PTPRD: variants seen among roughly 807,000 people sequenced by gnomAD.
PTPRD encodes the protein protein tyrosine phosphatase receptor type D, also known as receptor-type tyrosine-protein phosphatase delta.
A neutral mutation model predicts 214.5 loss-of-function variants in PTPRD; 34 were observed. The observed-to-expected ratio is 0.16, with a 90% confidence interval of 0.12 to 0.21. The LOEUF is 0.21. Among genes scored for constraint, PTPRD ranks in the 10% least tolerant of loss-of-function variants. The pLI is 1.00. For missense variants in PTPRD, 2,545 were observed against 2,398.7 expected (o/e 1.06, Z -1.27); for synonymous variants, 1,128 against 845.7 (o/e 1.33, Z -5.79).
intron 10 of PTPRD, among the ~76,000 whole-genome samples, chr9:9,169,460 T>C (rs900913344): frequency 1.3e-5 from 2 of 152,148 alleles, no homozygotes; most frequent in Admixed American, 6.6e-5. Context: ...CAGTTTGCAA[T>C]GCTAAAGTTA....
chr9:8,926,618 T>C (rs1011489430), intron 11 of PTPRD, among the ~76,000 whole-genome samples: 5 of 152,190 alleles, frequency 3.3e-5, no homozygotes, highest in African/African-American at 7.2e-5. Flanking sequence ...ATGTTCTCCA[T>C]GGAAAATTCC....
chr9:10,355,522 A>G (rs962812429), intron 2 of PTPRD, among the ~76,000 whole-genome samples: 5 of 142,084 alleles, frequency 3.5e-5, no homozygotes, highest in African/African-American at 1.3e-4. Flanking sequence ...CTTATTGCCT[A>G]GACTGGAGTG....
Position 10,521,933 on chromosome 9 carries a change from T to C in PTPRD, c.-600+90465A>G, listed in dbSNP as rs1372472858. On this transcript the variant is annotated intron_variant, in intron 2 of 45. Transcript: ENST00000381196. ...GTGCTTTTTTGCAATATTTGCTTTA[T>C]TGCAGTGGTCTAGAACCTGCACTCT... Among the ~76,000 whole-genome samples, 3 of 152,298 alleles carry C rather than the reference T, an allele frequency of 2.0e-5. No homozygotes were observed. The East Asian group carries it at 5.8e-4, about 29-fold the overall frequency.
intron 2 of PTPRD, among the ~76,000 whole-genome samples, chr9:10,545,528 G>C (rs75625856): frequency 0.03 from 4,608 of 152,162 alleles, 111 homozygotes; most frequent in Non-Finnish European, 0.05. Context: ...TTTATTTATT[G>C]ATTGATTTTG....
At chr9:9,930,904 T>C (rs1010963881) in intron 5 of PTPRD, among the ~76,000 whole-genome samples, 1 of 152,074 alleles carries the variant, frequency 6.6e-6, no homozygotes, top group African/African-American at 2.4e-5. Context: ...TAAAGGACTT[T>C]ACGCATTTAC....
chr9:8,724,795 G>A (rs527674809), intron 12 of PTPRD, among the ~76,000 whole-genome samples: 43 of 152,022 alleles, frequency 2.8e-4, no homozygotes, highest in Non-Finnish European at 4.6e-4. Flanking sequence ...AAAATTAGCC[G>A]GACGTGACGG....
intron 28 of PTPRD, 162 bp from the exon 29 acceptor site, chr9:8,485,486 T>G (rs1463457682): frequency 3.2e-6 from 2 of 625,202 alleles, no homozygotes; most frequent in Non-Finnish European, 5.5e-6. Flanking sequence ...TAATACCCCA[T>G]TCTCACAGAG....
rs367945540 is a variant in PTPRD at position 9,541,417 on chromosome 9, G to T, written c.-237+33315C>A. 3.3e-5 allele frequency among the ~76,000 whole-genome samples: 5 copies of T among 151,722 alleles called. No homozygotes were observed. The South Asian group carries it at 1.0e-3, about 31-fold the overall frequency. On this transcript the variant is annotated intron_variant, in intron 8 of 45. Coordinates refer to ENST00000381196, the MANE Select transcript of PTPRD (RefSeq NM_002839.4). ...TGAAGGCCCCAGAAATAGGAGAGAC[G>T]CCATCTTGGAACTTCCAGCCCAACC...
intron 11 of PTPRD, among the ~76,000 whole-genome samples, chr9:8,907,482 C>T (rs944184462): frequency 1.5e-5 from 2 of 136,356 alleles, no homozygotes; most frequent in Non-Finnish European, 3.1e-5. Context: ...CGTGCTACTG[C>T]ACTCCAGCCA....
chr9:8,332,056 T>TG (rs1200641727), intron 43 of PTPRD, among the ~76,000 whole-genome samples: 5 of 152,132 alleles, frequency 3.3e-5, no homozygotes, highest in African/African-American at 1.2e-4. Flanking sequence ...AGACCCAAAG[T>TG]GGGGGTTCGT....
chr9:9,795,661 G>T (rs2098997477), intron 5 of PTPRD, among the ~76,000 whole-genome samples: 1 of 152,090 alleles, frequency 6.6e-6, no homozygotes, highest in South Asian at 2.1e-4. Flanking sequence ...AAATAAAATA[G>T]ATTTGATTAG....
intron 9 of PTPRD, among the ~76,000 whole-genome samples, chr9:9,231,491 C>T (rs2099963076): frequency 6.6e-6 from 1 of 152,016 alleles, no homozygotes; most frequent in Non-Finnish European, 1.5e-5. Flanking sequence ...TGTTGATACC[C>T]AAATTGGACA....
chr9:9,517,591 A>G (rs894747505), intron 8 of PTPRD, among the ~76,000 whole-genome samples: 7 of 152,080 alleles, frequency 4.6e-5, no homozygotes, highest in Non-Finnish European at 1.0e-4. Flanking sequence ...TATTAGAAAC[A>G]CTGGCATGTG....
At chr9:10,355,667 G>A (rs373347306) in intron 2 of PTPRD, among the ~76,000 whole-genome samples, 2 of 151,856 alleles carry the variant, frequency 1.3e-5, no homozygotes, top group East Asian at 1.9e-4. Context: ...TAGTAGAGAC[G>A]GGGTTTCACC....
At chr9:9,533,460 G>T (rs959261990) in intron 8 of PTPRD, among the ~76,000 whole-genome samples, 4 of 151,876 alleles carry the variant, frequency 2.6e-5, no homozygotes, top group Admixed American at 2.0e-4. Context: ...GTTTAATTTT[G>T]ATGCTCTGGG....
chr9:8,856,886 C>G (rs1392468874), intron 11 of PTPRD, among the ~76,000 whole-genome samples: 1 of 152,184 alleles, frequency 6.6e-6, no homozygotes, highest in Non-Finnish European at 1.5e-5. Flanking sequence ...TCCAGAGAAG[C>G]AATGCAAGTT....
intron 10 of PTPRD, among the ~76,000 whole-genome samples, chr9:9,088,748 TAG>T (rs568981827): frequency 1.4e-4 from 21 of 152,182 alleles, no homozygotes; most frequent in African/African-American, 5.1e-4. Context: ...AAGGTTTTCT[TAG>T]TATTTGTGGA....
chr9:9,615,554 AGTTT>A (rs748590155), intron 7 of PTPRD, among the ~76,000 whole-genome samples: 1 of 151,982 alleles, frequency 6.6e-6, no homozygotes, highest in Non-Finnish European at 1.5e-5. Context: ...CATTTACCAT[AGTTT>A]GTTTGTTTGT....
chr9:10,367,949 T>A (rs1046818892), intron 2 of PTPRD, among the ~76,000 whole-genome samples: 3 of 152,236 alleles, frequency 2.0e-5, no homozygotes, highest in African/African-American at 7.2e-5. Context: ...ACATTGTTGG[T>A]GATCAATGAG....
Sources: allele counts gnomAD v4.1 joint callset (sites outside exome capture counted in the v4.1 genomes callset), GRCh38; gene constraint gnomAD v4.1.1; transcripts MANE v1.5; gene names NCBI Gene and HGNC (gene_info 2026-07-23, HGNC 2026-07-21).